PAPPA2: variants seen among roughly 807,000 people sequenced by gnomAD.
PAPPA2 encodes pappalysin 2.
Under a neutral mutation model 176.4 loss-of-function variants are expected in PAPPA2, and 86 were observed. The ratio of observed to expected loss-of-function variants is 0.49; its 90% CI spans 0.41 to 0.58. The LOEUF (loss-of-function observed/expected upper bound fraction) is 0.58. Among genes scored for constraint, PAPPA2 ranks in the 20% least tolerant of loss-of-function variants. The pLI is 0.00. For missense variants in PAPPA2, 2,073 were observed against 2,256.9 expected (o/e 0.92, Z 1.65); for synonymous variants, 809 against 852.2 (o/e 0.95, Z 0.88).
intron 3 of PAPPA2, among the ~76,000 whole-genome samples, chr1:176,619,845 T>C (rs1429183910): frequency 2.0e-5 from 3 of 151,542 alleles, no homozygotes; most frequent in Non-Finnish European, 4.4e-5. Flanking sequence ...AAGGGACCAG[T>C]AGTGACTTAA....
intron 2 of PAPPA2, among the ~76,000 whole-genome samples, chr1:176,571,998 A>G (rs1340164018): frequency 1.3e-5 from 2 of 152,164 alleles, no homozygotes; most frequent in African/African-American, 4.8e-5. Context: ...CCGGGCACGG[A>G]CCGTCAGAGC....
intron 3 of PAPPA2, chr1:176,616,542 T>A: frequency 7.5e-7 from 1 of 1,337,820 alleles, no homozygotes; most frequent in South Asian, 1.2e-5. Context: ...ATGTAACCAA[T>A]CAGCAACAAT....
chr1:176,692,538 C>G (rs1002999365), intron 6 of PAPPA2, among the ~76,000 whole-genome samples: 16 of 152,234 alleles, frequency 1.1e-4, no homozygotes, highest in Admixed American at 7.8e-4. Flanking sequence ...CTCACTCCCC[C>G]CTCAGGGAGG....
chr1:176,616,126 T>A (rs55917382), intron 3 of PAPPA2: 1 of 252,332 alleles, frequency 4.0e-6, no homozygotes, highest in East Asian at 9.8e-5. Context: ...TCTGTCTAGC[T>A]TGCAGCCTGG....
At chr1:176,470,819 C>T (rs552297135) in intron 1 of PAPPA2, among the ~76,000 whole-genome samples, 19 of 152,198 alleles carry the variant, frequency 1.2e-4, no homozygotes, top group Admixed American at 5.2e-4. Flanking sequence ...CTCTTCTAAT[C>T]GTGGCTGGGG....
At chr1:176,834,863 C>T (rs755064197) in intron 21 of PAPPA2, among the ~76,000 whole-genome samples, 9 of 152,170 alleles carry the variant, frequency 5.9e-5, no homozygotes, top group South Asian at 2.1e-4. Flanking sequence ...CCCAGCTGCT[C>T]GGGAGGTTGA....
At chr1:176,519,798 T>A (rs534770014) in intron 1 of PAPPA2, among the ~76,000 whole-genome samples, 1 of 152,334 alleles carries the variant, frequency 6.6e-6, no homozygotes, top group East Asian at 1.9e-4. Context: ...TTTTCCTTTT[T>A]AATATTCTTA....
chr1:176,505,665 A>G (rs926656299), intron 1 of PAPPA2, among the ~76,000 whole-genome samples: 5 of 152,028 alleles, frequency 3.3e-5, no homozygotes, highest in South Asian at 4.1e-4. Context: ...TGGAACAGCA[A>G]CAACAACAAC....
chr1:176,479,687 T>G (rs1652299737), intron 1 of PAPPA2, among the ~76,000 whole-genome samples: 1 of 152,216 alleles, frequency 6.6e-6, no homozygotes, highest in African/African-American at 2.4e-5. Context: ...ACTTTTCTTC[T>G]TGTCAGTCAT....
At chr1:176,638,377 C>T (rs1182901308) in intron 3 of PAPPA2, among the ~76,000 whole-genome samples, 2 of 151,822 alleles carry the variant, frequency 1.3e-5, no homozygotes, top group Admixed American at 6.6e-5. Context: ...AACTGAGTGG[C>T]AAGAAGGAGG....
intron 2 of PAPPA2, among the ~76,000 whole-genome samples, chr1:176,565,561 G>T (rs1430114045): frequency 1.3e-5 from 2 of 152,170 alleles, no homozygotes; most frequent in African/African-American, 4.8e-5. Flanking sequence ...CGGGTGTAGT[G>T]GCATGCACCT....
intron 12 of PAPPA2, among the ~76,000 whole-genome samples, chr1:176,722,860 A>G (rs1217700057): frequency 6.6e-6 from 1 of 152,220 alleles, no homozygotes; most frequent in Admixed American, 6.5e-5. Flanking sequence ...AGAAATCTCC[A>G]GCTGGAATTA....
chr1:176,491,281 A>T (rs1296977446), intron 1 of PAPPA2, among the ~76,000 whole-genome samples: 1 of 152,238 alleles, frequency 6.6e-6, no homozygotes, highest in Non-Finnish European at 1.5e-5. Flanking sequence ...GATGTATGTC[A>T]TGCACTATCT....
intron 1 of PAPPA2, among the ~76,000 whole-genome samples, chr1:176,480,402 A>G (rs1652337762): frequency 6.6e-6 from 1 of 152,214 alleles, no homozygotes; most frequent in African/African-American, 2.4e-5. Context: ...CCTGAGGGAC[A>G]GGTACCCACA....
chr1:176,819,329 G>A (rs1442704765), intron 21 of PAPPA2, among the ~76,000 whole-genome samples: 1 of 152,114 alleles, frequency 6.6e-6, no homozygotes, highest in East Asian at 1.9e-4. Flanking sequence ...TGTTGTTGTT[G>A]TTGTTAAATT....
At chr1:176,535,340 A>T (rs946847187) in intron 1 of PAPPA2, among the ~76,000 whole-genome samples, 4 of 152,198 alleles carry the variant, frequency 2.6e-5, no homozygotes, top group Non-Finnish European at 4.4e-5. Flanking sequence ...TGGGAAGCCC[A>T]TACCCACCCT....
At chr1:176,536,638 C>T (rs181473802) in intron 1 of PAPPA2, among the ~76,000 whole-genome samples, 2 of 152,330 alleles carry the variant, frequency 1.3e-5, no homozygotes, top group Admixed American at 1.3e-4. Flanking sequence ...CCATGGTTCT[C>T]ATTCTCCAGC....
intron 4 of PAPPA2, among the ~76,000 whole-genome samples, chr1:176,687,983 A>G (rs954139798): frequency 6.6e-6 from 1 of 152,198 alleles, no homozygotes; most frequent in African/African-American, 2.4e-5. Flanking sequence ...CCTCAAGCAT[A>G]TTTAACCACA....
intron 3 of PAPPA2, among the ~76,000 whole-genome samples, chr1:176,658,168 T>A (rs1658131871): frequency 6.6e-6 from 1 of 152,022 alleles, no homozygotes; most frequent in Non-Finnish European, 1.5e-5. Context: ...ACAGTGGTGC[T>A]GGCCACACCT....
Sources: gnomAD v4.1 joint callset for allele counts (sites outside exome capture counted in the v4.1 genomes callset) on GRCh38, gnomAD v4.1.1 for gene constraint, MANE v1.5 for transcripts, NCBI Gene and HGNC (gene_info 2026-07-23, HGNC 2026-07-21) for gene names.